CSNK1E: variants seen among roughly 807,000 people sequenced by gnomAD.
The protein encoded by CSNK1E is casein kinase 1 epsilon.
CSNK1E carries 17 observed loss-of-function variants against 46.1 expected under a neutral mutation model. That is an observed-to-expected ratio of 0.37 (90% CI 0.25 to 0.55). The LOEUF (loss-of-function observed/expected upper bound fraction) is 0.55. Ranked by LOEUF, CSNK1E falls within the 20% of genes least tolerant of loss-of-function variation. The probability of loss-of-function intolerance (pLI) is 0.82; values close to 1 mark genes in which losing one functional copy is unlikely to be tolerated. For synonymous variants in CSNK1E, 241 were observed against 242.6 expected (o/e 0.99, Z 0.06); for missense variants, 386 against 595.4 (o/e 0.65, Z 3.66).
intron 7 of CSNK1E, chr22:38,297,063 C>T (rs764790779): frequency 4.0e-6 from 3 of 750,510 alleles, no homozygotes; most frequent in Non-Finnish European, 7.4e-6. Context: ...CATGAGCCAC[C>T]AGGCCTGGCC....
rs1230938183 is a variant in CSNK1E at position 38,299,881 on chromosome 22, A to G, written c.736+14T>C. The G allele has an allele frequency of 1.2e-6, 2 of 1,610,420 alleles. No homozygotes were observed. The highest frequency in any genetic ancestry group is 1.7e-5 in the Admixed American group (1 of 59,938). On this transcript the variant is annotated intron_variant, in intron 6 of 10. Coordinates refer to ENST00000396832, the MANE Select transcript of CSNK1E (RefSeq NM_152221.3). The stretch of plus-strand genomic sequence containing the variant: ...GGGGCCCCCAGGCATGTCCCCTCCC[A>G]CTGGGCTACTCACAGGGATAGCCTT...
At chr22:38,302,761 G>T in intron 4 of CSNK1E, 100 bp downstream of exon 4, 2 of 1,409,832 alleles carry the variant, frequency 1.4e-6, no homozygotes, top group Non-Finnish European at 2.0e-6. Context: ...AAGGTCCCCT[G>T]GCCCAGGCCC....
chr22:38,313,624 GAGCCTGCGTCATCCCAA>G (rs1040588430), intron 2 of CSNK1E, among the ~76,000 whole-genome samples: 2 of 152,236 alleles, frequency 1.3e-5, no homozygotes, highest in Non-Finnish European at 2.9e-5. Context: ...GGTTACAGGG[GAGCCTGCGTCATCCCAA>G]AGCCTGCCTG....
Position 38,298,653 on chromosome 22 carries a change from G to A in CSNK1E, c.885+133C>T. On this transcript the variant is annotated intron_variant, in intron 7 of 10. Transcript: ENST00000396832. The surrounding 1 kb of genome is among the most constrained non-coding windows in gnomAD (Gnocchi z 4.2). ...CTGGAGGGCTCTGGGACCCCAGTGA[G>A]GTCAACCACACTGTCCAGCTCGTAC... 1 of 1,037,666 alleles carries A rather than the reference G, an allele frequency of 9.6e-7. No homozygotes were observed. Among genetic ancestry groups the A allele is most frequent in the Non-Finnish European group, 1.4e-6 (1 of 697,924 alleles). 64.3% of individuals were successfully genotyped at this position (1,037,666 alleles called of 1,614,324 possible).
chr22:38,308,247 C>T (rs979630653), intron 2 of CSNK1E, among the ~76,000 whole-genome samples: 3 of 152,070 alleles, frequency 2.0e-5, no homozygotes, highest in African/African-American at 7.2e-5. Flanking sequence ...AAAAGAAAAA[C>T]AGAATGAATA....
Position 38,302,841 on chromosome 22 carries a change from T to G in CSNK1E, c.336+20A>C. The G allele has an allele frequency of 1.1e-5, 18 of 1,613,154 alleles. No homozygotes were observed. Among genetic ancestry groups the G allele is most frequent in the Non-Finnish European group, 1.4e-5 (16 of 1,179,474 alleles). ...GGGCCCACAGGCATCTGGCTGGGGA[T>G]GGAGGGGACGGGGACTCACCATCTG... On this transcript the variant is annotated intron_variant, in intron 4 of 10. Transcript: ENST00000396832.
In CSNK1E at chr22:38,291,532, C is replaced by T. The variant is rs1231670131; in HGVS notation, c.*439G>A. On this transcript the variant is annotated 3_prime_UTR_variant, in exon 11 of 11. Transcript: ENST00000396832. ...CCTGGATTCTGAGGCTCGGAAAACT[C>T]GGTGGGAACTGCCTTCAACTGACTA... is the stretch of plus-strand genomic sequence containing the variant. 6.6e-6 allele frequency: 1 copy of T among 152,276 alleles called. No homozygotes were observed. The allele number at this position is 152,276 out of a possible 1,614,324, so 9.4% of individuals were successfully genotyped here. A position where few individuals can be genotyped will look rare whatever the true frequency, so the allele number is the denominator to read the frequency against.
chr22:38,295,295 C>T, intron 7 of CSNK1E: 1 of 392,914 alleles, frequency 2.5e-6, no homozygotes, highest in Non-Finnish European at 3.5e-6. Context: ...CCCCAGGTGC[C>T]CTGCTGTCCA....
In CSNK1E at chr22:38,294,363, C is replaced by A; in HGVS notation, c.1057G>T (p.Ala353Ser). 1 of 1,567,100 alleles carries A rather than the reference C, an allele frequency of 6.4e-7. No homozygotes were observed. The highest frequency in any genetic ancestry group is 8.6e-7 in the Non-Finnish European group (1 of 1,159,550). Residue 353 changes from alanine (A) to serine (S), a missense_variant, in exon 8 of 11, where the codon GCC becomes TCC. By Grantham distance (99) the Ala-to-Ser change is moderately conservative. This residue lies in a region of CSNK1E where 174 missense variants were observed against 185.2 expected (regional missense o/e 0.94). Transcript: ENST00000396832. This position sits in a 1 kb window ranked among gnomAD's most constrained non-coding sequence, Gnocchi z 5.5. ...SAAEPVASTP[A>S]SRIQPAGNTS... ...TCACCAGCCGGCTGGATGCGGGAGG[C>A]TGGCGTGGAAGCCACGGGCTCGGCG... is the stretch of plus-strand genomic sequence containing the variant.
chr22:38,311,786 A>G (rs2092722021), intron 2 of CSNK1E, among the ~76,000 whole-genome samples: 2 of 150,122 alleles, frequency 1.3e-5, no homozygotes, highest in Admixed American at 6.6e-5. Context: ...TGGCCCCCAC[A>G]TCTCAGCCCT....
At chr22:38,311,808 CTTT>C (rs71296618) in intron 2 of CSNK1E, among the ~76,000 whole-genome samples, 26 of 140,224 alleles carry the variant, frequency 1.9e-4, no homozygotes, top group East Asian at 8.2e-4. Flanking sequence ...TTCTTTCCTT[CTTT>C]TTTTTTTTTT....
At chr22:38,307,935 C>T (rs2145845910) in intron 2 of CSNK1E, among the ~76,000 whole-genome samples, 1 of 152,336 alleles carries the variant, frequency 6.6e-6, no homozygotes, top group South Asian at 2.1e-4. Flanking sequence ...AGTGATTCAC[C>T]TGCCTCAGCC....
intron 2 of CSNK1E, among the ~76,000 whole-genome samples, chr22:38,304,734 G>A (rs778822229): frequency 3.3e-5 from 5 of 152,328 alleles, no homozygotes; most frequent in Admixed American, 2.6e-4. Context: ...ATGCAAGGAT[G>A]AATGGAATGC....
chr22:38,300,010 G>T lies in CSNK1E; in HGVS notation c.621C>A (p.Asn207Lys). 1 of 1,614,160 alleles carries T rather than the reference G, an allele frequency of 6.2e-7. No individual in the cohort carries two copies. The highest frequency in any genetic ancestry group is 8.5e-7 in the Non-Finnish European group (1 of 1,180,034). The change falls in exon 6 of 11, where the codon AAC (asparagine) becomes AAA (lysine). Residue 207 changes from asparagine to lysine, a missense_variant. Asn to Lys is a moderately conservative substitution (Grantham distance 94). Around this residue, in one of 2 missense-constraint regions of CSNK1E, gnomAD observed 212 missense variants for 410.2 expected, o/e 0.52. Transcript: ENST00000396832. This position sits in a 1 kb window ranked among gnomAD's most constrained non-coding sequence, Gnocchi z 4.4. ...ESLGYVLMYFNLGSLPWQGLK... is the reference protein window; with the variant it reads ...ESLGYVLMYFKLGSLPWQGLK... ...GCCCCTGCCAGGGCAGGGAGCCCAG[G>T]TTGAAGTACATGAGCACGTAGCCCA...
rs747423925 is a variant in CSNK1E, at chr22:38,293,246, T to C, written c.*32+9A>G. On this transcript the variant is annotated intron_variant, in intron 10 of 10. Coordinates refer to ENST00000396832, the MANE Select transcript of CSNK1E (RefSeq NM_152221.3). ...GGGCTGGCTGCATCTGCAGCAGTCA[T>C]GGACTCACCTAAGCAAACACTGGTC... is the stretch of plus-strand genomic sequence containing the variant. 1 of 1,611,206 alleles carries C rather than the reference T, an allele frequency of 6.2e-7. No homozygotes were observed. Among genetic ancestry groups the C allele is most frequent in the Non-Finnish European group, 8.5e-7 (1 of 1,178,026 alleles).
At chr22:38,317,136 G>A (rs2092751194) in intron 1 of CSNK1E, 24 bp downstream of exon 1, 1 of 151,270 alleles carries the variant, frequency 6.6e-6, no homozygotes, top group Middle Eastern at 3.4e-3. Context: ...CCCTTCCGCG[G>A]GCCCGCGGCC....
At chr22:38,296,470 G>C in intron 7 of CSNK1E, 5 of 1,543,626 alleles carry the variant, frequency 3.2e-6, no homozygotes, top group Middle Eastern at 2.1e-4. Flanking sequence ...CCTGGCCTCA[G>C]GGTGAAGGTT....
At chr22:38,314,262 G>A (rs184162238) in intron 1 of CSNK1E, 93 bp from the exon 2 acceptor site, 116 of 929,526 alleles carry the variant, frequency 1.2e-4, no homozygotes, top group East Asian at 7.8e-4. Flanking sequence ...CCAGGAACTC[G>A]AAAACCTGCA....
intron 9 of CSNK1E, chr22:38,293,849 T>C: frequency 1.9e-6 from 1 of 522,062 alleles, no homozygotes; most frequent in Non-Finnish European, 3.4e-6. Flanking sequence ...GCTGGGCCCC[T>C]GGCAGCGAGG....
Sources: allele counts gnomAD v4.1 joint callset (sites outside exome capture counted in the v4.1 genomes callset), GRCh38; gene constraint gnomAD v4.1.1; regional missense constraint gnomAD v4.1.1; non-coding constraint Gnocchi (gnomAD v3.1); transcripts MANE v1.5; gene names NCBI Gene and HGNC (gene_info 2026-07-23, HGNC 2026-07-21).